LIMS1: variants seen among roughly 807,000 people sequenced by gnomAD.
LIMS1 encodes LIM and senescent cell antigen-like-containing domain protein 1.
In LIMS1, 18 loss-of-function variants were observed where a neutral mutation model predicts 44.1. The ratio of observed to expected loss-of-function variants is 0.41; its 90% CI spans 0.28 to 0.61. LIMS1 has a LOEUF of 0.61. Ranked by LOEUF, LIMS1 falls within the 20% of genes least tolerant of loss-of-function variation. The pLI, the probability that LIMS1 is intolerant of heterozygous loss-of-function variation, is 0.32. For synonymous variants in LIMS1, 93 were observed against 149.1 expected (o/e 0.62, Z 2.74); for missense variants, 201 against 422.0 (o/e 0.48, Z 4.59).
At chr2:108,675,839 C>G in intron 5 of LIMS1, 39 bp from the exon 6 acceptor site, 2 of 1,613,782 alleles carry the variant, frequency 1.2e-6, no homozygotes, top group Non-Finnish European at 1.7e-6. Context: ...GGCCACTTTT[C>G]TCTCTTAGTA....
At chr2:108,539,996 T>C (rs1015520679) in intron 1 of LIMS1, among the ~76,000 whole-genome samples, 1 of 152,098 alleles carries the variant, frequency 6.6e-6, no homozygotes, top group South Asian at 2.1e-4. Flanking sequence ...TGAAAATCTT[T>C]CAAATGAACA....
Position 108,623,428 on chromosome 2 carries a change from A to T in LIMS1, c.33-36177A>T, listed in dbSNP as rs13428360. Among the ~76,000 whole-genome samples the T allele has an allele frequency of 3.0e-3, 458 of 152,278 alleles. 2 individuals carry two copies. The highest frequency in any genetic ancestry group is 0.01 in the African/African-American group (427 of 41,546). On this transcript the variant is annotated intron_variant, in intron 1 of 9. Transcript: ENST00000544547. ...ATTCTTTTTTTAAAAAAATAAGGAT[A>T]AAAATAACTACTATTATTGAACATT...
At chr2:108,572,380 C>CTTTTT (rs780841996) in intron 1 of LIMS1, among the ~76,000 whole-genome samples, 16 of 112,728 alleles carry the variant, frequency 1.4e-4, no homozygotes, top group South Asian at 3.0e-4. Context: ...GGGACTCTTG[C>CTTTTT]TTTTTTTTTT....
intron 1 of LIMS1, among the ~76,000 whole-genome samples, chr2:108,539,784 G>C (rs892008836): frequency 2.6e-5 from 4 of 152,088 alleles, no homozygotes; most frequent in Admixed American, 1.3e-4. Flanking sequence ...GCTCAATGAA[G>C]TCATCATTTC....
At chr2:108,627,748 T>A (rs1309826012) in intron 1 of LIMS1, among the ~76,000 whole-genome samples, 1 of 152,230 alleles carries the variant, frequency 6.6e-6, no homozygotes, top group African/African-American at 2.4e-5. Flanking sequence ...ACTGATTATA[T>A]GTCTGTGCTA....
chr2:108,685,998 G>A (rs749361669), exon 10 of LIMS1: 10 of 152,162 alleles, frequency 6.6e-5, no homozygotes, highest in Non-Finnish European at 8.8e-5. Flanking sequence ...GCAGCCAGAG[G>A]TTCCATTGCT....
At chr2:108,559,040 C>T (rs1020506202) in intron 1 of LIMS1, among the ~76,000 whole-genome samples, 1 of 152,158 alleles carries the variant, frequency 6.6e-6, no homozygotes, top group Admixed American at 6.5e-5. Flanking sequence ...GCTTCTGATT[C>T]CCACCGTTAG....
chr2:108,552,231 T>TTATATATAC (rs61433353), intron 1 of LIMS1, among the ~76,000 whole-genome samples: 1 of 143,660 alleles, frequency 7.0e-6, no homozygotes, highest in Non-Finnish European at 1.5e-5. Flanking sequence ...AATACATTAG[T>TTATATATAC]TATATATACT....
intron 1 of LIMS1, among the ~76,000 whole-genome samples, chr2:108,604,717 C>T (rs1558805470): frequency 6.6e-6 from 1 of 152,124 alleles, no homozygotes; most frequent in Admixed American, 6.6e-5. Context: ...TAAGACCACC[C>T]CCACTGCCCC....
intron 1 of LIMS1, among the ~76,000 whole-genome samples, chr2:108,583,858 C>G (rs1469011893): frequency 6.6e-6 from 1 of 151,922 alleles, no homozygotes; most frequent in East Asian, 1.9e-4. Flanking sequence ...CCACGCCTGG[C>G]TAACTTGTAT....
At chr2:108,679,994 G>A (rs1392185984) in intron 8 of LIMS1, among the ~76,000 whole-genome samples, 1 of 151,476 alleles carries the variant, frequency 6.6e-6, no homozygotes, top group Admixed American at 6.6e-5. Flanking sequence ...GGAGACCGAG[G>A]CAGGTAGATT....
chr2:108,640,973 C>T (rs559196416), intron 1 of LIMS1, among the ~76,000 whole-genome samples: 2 of 152,254 alleles, frequency 1.3e-5, no homozygotes, highest in African/African-American at 4.8e-5. Flanking sequence ...ACCAACTCTG[C>T]GTTCTAATTC....
At chr2:108,674,739 G>T (rs1189919583) in intron 5 of LIMS1, among the ~76,000 whole-genome samples, 1 of 139,590 alleles carries the variant, frequency 7.2e-6, no homozygotes, top group Non-Finnish European at 1.5e-5. Flanking sequence ...AAAAAAAAAA[G>T]AGAAAGAAAG....
exon 10 of LIMS1, chr2:108,687,231 T>C (rs1362350223): frequency 6.6e-6 from 1 of 152,232 alleles, no homozygotes; most frequent in Non-Finnish European, 1.5e-5. Flanking sequence ...TAAATGTTTA[T>C]AATTGTTAAC....
chr2:108,646,060 C>A (rs1205235795), intron 1 of LIMS1, among the ~76,000 whole-genome samples: 1 of 152,194 alleles, frequency 6.6e-6, no homozygotes, highest in African/African-American at 2.4e-5. Context: ...GAGACTTTAA[C>A]ACCCCACTGT....
intron 1 of LIMS1, among the ~76,000 whole-genome samples, chr2:108,553,234 T>C (rs1684820846): frequency 6.6e-6 from 1 of 152,212 alleles, no homozygotes; most frequent in South Asian, 2.1e-4. Flanking sequence ...GCAGCCTGGG[T>C]GCAGATAAAT....
intron 1 of LIMS1, among the ~76,000 whole-genome samples, chr2:108,613,509 C>A (rs1269589031): frequency 6.6e-6 from 1 of 152,052 alleles, no homozygotes; most frequent in Non-Finnish European, 1.5e-5. Context: ...CCTCCCTACA[C>A]ATCTCTGTGT....
At chr2:108,624,987 G>A (rs1010456856) in intron 1 of LIMS1, among the ~76,000 whole-genome samples, 1 of 152,240 alleles carries the variant, frequency 6.6e-6, no homozygotes, top group Non-Finnish European at 1.5e-5. Context: ...GCTGAGGCAC[G>A]AGAATTGTTT....
At chr2:108,617,331 C>A (rs942220949) in intron 1 of LIMS1, among the ~76,000 whole-genome samples, 1 of 152,152 alleles carries the variant, frequency 6.6e-6, no homozygotes, top group Non-Finnish European at 1.5e-5. Flanking sequence ...ATTTTTTATT[C>A]TTATCACAAA....
Sources: gnomAD v4.1 joint callset for allele counts (sites outside exome capture counted in the v4.1 genomes callset) on GRCh38, gnomAD v4.1.1 for gene constraint, MANE v1.5 for transcripts, NCBI Gene and HGNC (gene_info 2026-07-23, HGNC 2026-07-21) for gene names.